SESN1: variants seen among roughly 807,000 people sequenced by gnomAD.
SESN1 encodes the protein sestrin-1.
A neutral mutation model predicts 59.3 loss-of-function variants in SESN1; 30 were observed. The ratio of observed to expected loss-of-function variants is 0.51; its 90% confidence interval spans 0.38 to 0.69. The LOEUF (loss-of-function observed/expected upper bound fraction) is 0.69, where lower values mean the gene tolerates loss of function less well. SESN1 is among the 30% of genes least tolerant of loss of function. The probability of loss-of-function intolerance (pLI) is 0.00; values close to 1 mark genes in which losing one functional copy is unlikely to be tolerated. For synonymous variants in SESN1, 197 were observed against 219.9 expected (o/e 0.90, Z 0.92); for missense variants, 566 against 673.0 (o/e 0.84, Z 1.76).
At chr6:109,076,434 C>A (rs1342923961) in intron 1 of SESN1, among the ~76,000 whole-genome samples, 2 of 152,120 alleles carry the variant, frequency 1.3e-5, no homozygotes, top group African/African-American at 4.8e-5. Flanking sequence ...TTTACAACTT[C>A]TTTTGGCCAT....
intron 1 of SESN1, among the ~76,000 whole-genome samples, chr6:109,011,875 C>T (rs562790694): frequency 7.2e-5 from 11 of 152,098 alleles, no homozygotes; most frequent in Admixed American, 3.3e-4. Context: ...GCAATTTTCC[C>T]GCCTTTGCCT....
rs975096728 is a variant in SESN1 at position 109,093,974 on chromosome 6, T to C, written c.100A>G (p.Arg34Gly). Residue 34 changes from arginine to glycine, a missense_variant, in exon 1 of 10, where the codon AGG becomes GGG. By Grantham distance (125) the Arg-to-Gly change is moderately radical (BLOSUM62 -2). Transcript: ENST00000436639. ...ALENIRQTIL[R>G]KTEYLRSVKE... Reference sequence around the variant, plus strand: ...ACCGAACGAAGATACTCGGTTTTCCTCAAAATGGTTTGCCTAATGTTTTCC... The same window carrying C: ...ACCGAACGAAGATACTCGGTTTTCCCCAAAATGGTTTGCCTAATGTTTTCC... The C allele has an allele frequency of 6.2e-7, 1 of 1,614,238 alleles. No individual in the cohort carries two copies. The highest frequency in any genetic ancestry group is 8.5e-7 in the Non-Finnish European group (1 of 1,180,040).
Position 109,094,277 on chromosome 6 carries a change from C to G in SESN1, c.-204G>C, listed in dbSNP as rs1212321518. On this transcript the variant is annotated 5_prime_UTR_variant, in exon 1 of 10. Transcript: ENST00000436639. ...CACCCTCTCACCCTCTCCTTGTACA[C>G]GAAAGGGCAGTCTTCTTTCTGGAAA... 1.7e-6 allele frequency: 1 copy of G among 577,426 alleles called. No individual in the cohort carries two copies. Among genetic ancestry groups the G allele is most frequent in the Non-Finnish European group, 3.0e-6 (1 of 330,188 alleles). 35.8% of individuals were successfully genotyped at this position (577,426 alleles called of 1,614,324 possible).
At chr6:109,050,369 A>G (rs528859906) in intron 1 of SESN1, among the ~76,000 whole-genome samples, 8 of 150,304 alleles carry the variant, frequency 5.3e-5, no homozygotes, top group Admixed American at 6.6e-5. Context: ...GACACACAGA[A>G]TGCTATTGTT....
chr6:109,086,652 G>A (rs1327547572), intron 1 of SESN1, among the ~76,000 whole-genome samples: 1 of 152,138 alleles, frequency 6.6e-6, no homozygotes, highest in Non-Finnish European at 1.5e-5. Context: ...TTGTTTTAGA[G>A]GATCCTTCAT....
intron 1 of SESN1, among the ~76,000 whole-genome samples, chr6:109,038,071 TAG>T (rs1264611989): frequency 6.6e-6 from 1 of 152,236 alleles, no homozygotes; most frequent in Non-Finnish European, 1.5e-5. Context: ...GGTTCCATGC[TAG>T]AGACTGACAG....
At chr6:108,989,529 A>G (rs1779308063) in intron 8 of SESN1, among the ~76,000 whole-genome samples, 1 of 150,752 alleles carries the variant, frequency 6.6e-6, no homozygotes, top group Non-Finnish European at 1.5e-5. Context: ...AGAGATATCT[A>G]TAGAGATAGA....
At chr6:109,074,156 C>A (rs531510036) in intron 1 of SESN1, among the ~76,000 whole-genome samples, 2 of 152,224 alleles carry the variant, frequency 1.3e-5, no homozygotes, top group Admixed American at 6.5e-5. Context: ...GAGCAATAGC[C>A]TAGATATGTA....
At chr6:109,071,504 G>C (rs963766206) in intron 1 of SESN1, among the ~76,000 whole-genome samples, 1 of 151,946 alleles carries the variant, frequency 6.6e-6, no homozygotes, top group South Asian at 2.1e-4. Context: ...AGGCAGAATC[G>C]GGATATGGAC....
At chr6:109,064,637 GA>G (rs1562472251) in intron 1 of SESN1, among the ~76,000 whole-genome samples, 1 of 19,918 alleles carries the variant, frequency 5.0e-5, no homozygotes. Flanking sequence ...GGGGAGGGGA[GA>G]GGAGAGGTGG....
At chr6:109,069,722 T>C (rs918581748) in intron 1 of SESN1, among the ~76,000 whole-genome samples, 1 of 149,820 alleles carries the variant, frequency 6.7e-6, no homozygotes, top group Non-Finnish European at 1.5e-5. Context: ...TTACTTTTTA[T>C]TTTTTTGTTG....
intron 1 of SESN1, among the ~76,000 whole-genome samples, chr6:109,091,601 T>A (rs1781319061): frequency 6.6e-6 from 1 of 152,230 alleles, no homozygotes; most frequent in Non-Finnish European, 1.5e-5. Context: ...ATCTCACCTT[T>A]ACATGGGTAA....
intron 1 of SESN1, among the ~76,000 whole-genome samples, chr6:109,027,698 T>A (rs1780118357): frequency 6.6e-6 from 1 of 152,044 alleles, no homozygotes; most frequent in Admixed American, 6.6e-5. Context: ...CCAGGGAGGC[T>A]CCTAACTATC....
At chr6:109,062,373 C>T (rs35740192) in intron 1 of SESN1, among the ~76,000 whole-genome samples, 27,299 of 152,120 alleles carry the variant, frequency 0.18, 3,073 homozygotes, top group East Asian at 0.26. Flanking sequence ...GCGCACAGAG[C>T]GAGGAAGAGC....
At chr6:109,070,321 T>G (rs112903476) in intron 1 of SESN1, among the ~76,000 whole-genome samples, 513 of 152,264 alleles carry the variant, frequency 3.4e-3, no homozygotes, top group African/African-American at 9.9e-3. Context: ...CGTAGGAATC[T>G]CTACTCAAAT....
At chr6:109,013,100 GA>G (rs747369277) in intron 1 of SESN1, among the ~76,000 whole-genome samples, 168 of 129,224 alleles carry the variant, frequency 1.3e-3, no homozygotes, top group Admixed American at 1.6e-3. Flanking sequence ...TGGCAACAGG[GA>G]AAAAAAAAAA....
At chr6:109,038,179 A>G (rs1216365263) in intron 1 of SESN1, among the ~76,000 whole-genome samples, 1 of 152,192 alleles carries the variant, frequency 6.6e-6, no homozygotes, top group Admixed American at 6.5e-5. Flanking sequence ...ACTGGCTTGT[A>G]TTTAGGGGCT....
Position 108,987,485 on chromosome 6 carries a change from C to T in SESN1, c.*59G>A. ...CATTGGTCCTGGGGCTTAGTACCTT[C>T]CCCCTTGTAGACTATATCTGCTGAT... is the stretch of plus-strand genomic sequence containing the variant. On this transcript the variant is annotated 3_prime_UTR_variant, in exon 10 of 10. Coordinates refer to ENST00000436639, the MANE Select transcript of SESN1 (RefSeq NM_014454.3). 2.2e-6 allele frequency: 2 copies of T among 911,164 alleles called. No individual in the cohort carries two copies. Among genetic ancestry groups the T allele is most frequent in the Non-Finnish European group, 3.5e-6 (2 of 564,600 alleles). 56.4% of individuals were successfully genotyped at this position (911,164 alleles called of 1,614,324 possible). A position where few individuals can be genotyped will look rare whatever the true frequency, so the allele number is the denominator to read the frequency against.
chr6:109,061,993 TGA>T (rs1396593580), intron 1 of SESN1, among the ~76,000 whole-genome samples: 1 of 152,108 alleles, frequency 6.6e-6, no homozygotes, highest in African/African-American at 2.4e-5. Flanking sequence ...TGAGGAATAA[TGA>T]GAGAGAATGG....
Sources: allele counts gnomAD v4.1 joint callset (sites outside exome capture counted in the v4.1 genomes callset), GRCh38; gene constraint gnomAD v4.1.1; transcripts MANE v1.5; gene names NCBI Gene and HGNC (gene_info 2026-07-23, HGNC 2026-07-21).